GRIK4: variants seen among roughly 807,000 people sequenced by gnomAD.
GRIK4 encodes the protein glutamate ionotropic receptor kainate type subunit 4.
Under a neutral mutation model 104.9 loss-of-function variants are expected in GRIK4, and 40 were observed. That is an observed-to-expected ratio of 0.38 (90% confidence interval 0.30 to 0.50). The LOEUF (loss-of-function observed/expected upper bound fraction) is 0.50. GRIK4 is among the 20% of genes least tolerant of loss of function. The pLI is 0.93. For synonymous variants in GRIK4, 485 were observed against 524.9 expected, an observed-to-expected ratio of 0.92 and a Z score of 1.04; for missense variants, 1,047 against 1,308.1, an observed-to-expected ratio of 0.80 and a Z score of 3.08.
chr11:120,562,349 G>A (rs979563268), intron 1 of GRIK4, among the ~76,000 whole-genome samples: 8 of 152,180 alleles, frequency 5.3e-5, no homozygotes, highest in African/African-American at 1.7e-4. Flanking sequence ...CAGGGACCCC[G>A]GCCTTGGCCC....
chr11:120,752,066 C>T (rs140280104), intron 3 of GRIK4, among the ~76,000 whole-genome samples: 1 of 152,308 alleles, frequency 6.6e-6, no homozygotes, highest in Non-Finnish European at 1.5e-5. Flanking sequence ...CCACCAAGCC[C>T]TGACCAGCAT....
chr11:120,747,700 A>G (rs1306777500), intron 3 of GRIK4, among the ~76,000 whole-genome samples: 2 of 152,244 alleles, frequency 1.3e-5, no homozygotes, highest in African/African-American at 4.8e-5. Context: ...TTTTGAGCAT[A>G]GCTCAGTAGT....
intron 13 of GRIK4, among the ~76,000 whole-genome samples, chr11:120,932,144 G>A (rs959662210): frequency 5.5e-5 from 8 of 145,260 alleles, no homozygotes; most frequent in Admixed American, 4.2e-4. Context: ...CACAGCACAC[G>A]TGCAATTTTA....
chr11:120,861,201 T>A (rs1397786396), intron 8 of GRIK4, among the ~76,000 whole-genome samples: 1 of 144,400 alleles, frequency 6.9e-6, no homozygotes, highest in Non-Finnish European at 1.5e-5. Context: ...CTCCGCCTCC[T>A]GGGTTCAAGC....
rs527642433 is a variant in GRIK4, at chr11:120,695,342, C to T, written c.82+34942C>T. ...GCTCTCCCACCCAGGCCCTGGCCCT[C>T]CCTCTGGCCCAGGTGGCTGCCATGT... On this transcript the variant is annotated intron_variant, in intron 3 of 20. Coordinates refer to ENST00000527524, the MANE Select transcript of GRIK4 (RefSeq NM_014619.5). Among the ~76,000 whole-genome samples the T allele has an allele frequency of 1.9e-4, 29 of 152,358 alleles. No homozygotes were observed. In the South Asian group the frequency reaches 6.0e-3, roughly 32 times the overall value.
chr11:120,861,093 C>CTTTTTTTTTTTTT (rs547199127), intron 8 of GRIK4, among the ~76,000 whole-genome samples: 1 of 86,570 alleles, frequency 1.2e-5, no homozygotes, highest in Non-Finnish European at 2.3e-5. Flanking sequence ...AAATCATCCT[C>CTTTTTTTTTTTTT]TTTTTTTTTT....
chr11:120,642,744 G>A lies in GRIK4; in HGVS notation c.-158-10941G>A, dbSNP rs371254090. Among the ~76,000 whole-genome samples, 5 of 152,278 alleles carry A rather than the reference G, an allele frequency of 3.3e-5. No individual in the cohort carries two copies. In the South Asian group the frequency reaches 8.3e-4, roughly 25 times the overall value. ...AGCAGCGGCCTTGGGTTCTCCTTGC[G>A]TCCAGGATGAGAACTCCTTGAAATT... On this transcript the variant is annotated intron_variant, in intron 1 of 20. Coordinates refer to ENST00000527524, the MANE Select transcript of GRIK4 (RefSeq NM_014619.5).
chr11:120,643,584 C>T (rs1949499409), intron 1 of GRIK4, among the ~76,000 whole-genome samples: 1 of 152,226 alleles, frequency 6.6e-6, no homozygotes, highest in Admixed American at 6.5e-5. Context: ...TAAATCTAGT[C>T]TGGTCCTGTG....
At chr11:120,813,851 A>G (rs1952878549) in intron 4 of GRIK4, among the ~76,000 whole-genome samples, 1 of 152,226 alleles carries the variant, frequency 6.6e-6, no homozygotes, top group Non-Finnish European at 1.5e-5. Flanking sequence ...TATGGAGTTA[A>G]GCCTTGAGTT....
intron 14 of GRIK4, among the ~76,000 whole-genome samples, chr11:120,947,294 C>G (rs1036309365): frequency 6.6e-6 from 1 of 151,636 alleles, no homozygotes; most frequent in African/African-American, 2.4e-5. Context: ...CCCAACTACT[C>G]AGGAGGCTGA....
At chr11:120,622,200 CTTA>C (rs72158229) in intron 1 of GRIK4, among the ~76,000 whole-genome samples, 5,534 of 152,216 alleles carry the variant, frequency 0.036, 284 homozygotes, top group African/African-American at 0.12. Context: ...CGCCCCCGGC[CTTA>C]TTATTATTTT....
At chr11:120,914,058 C>G (rs555609059) in intron 13 of GRIK4, among the ~76,000 whole-genome samples, 4 of 152,206 alleles carry the variant, frequency 2.6e-5, no homozygotes, top group Non-Finnish European at 1.5e-5. Context: ...TTTACCTTCC[C>G]CATTAAGGCT....
At chr11:120,564,109 G>C (rs1565551206) in intron 1 of GRIK4, among the ~76,000 whole-genome samples, 1 of 152,210 alleles carries the variant, frequency 6.6e-6, no homozygotes, top group African/African-American at 2.4e-5. Flanking sequence ...GCCTGAGGAA[G>C]GGCCCGGGCG....
intron 7 of GRIK4, among the ~76,000 whole-genome samples, chr11:120,832,907 C>T (rs1213134705): frequency 6.6e-6 from 1 of 152,212 alleles, no homozygotes; most frequent in East Asian, 1.9e-4. Flanking sequence ...GGCCCCGTTT[C>T]CAGGCTCCTT....
At chr11:120,765,790 C>T (rs1313049647) in intron 3 of GRIK4, among the ~76,000 whole-genome samples, 1 of 152,232 alleles carries the variant, frequency 6.6e-6, no homozygotes, top group Non-Finnish European at 1.5e-5. Context: ...GGCTGCAGAA[C>T]AGCAAAGATT....
At chr11:120,796,956 C>A (rs999461186) in intron 3 of GRIK4, among the ~76,000 whole-genome samples, 1 of 151,510 alleles carries the variant, frequency 6.6e-6, no homozygotes, top group Non-Finnish European at 1.5e-5. Flanking sequence ...GTTTGGGGGG[C>A]GGAGAAGGGC....
intron 19 of GRIK4, among the ~76,000 whole-genome samples, chr11:120,971,054 A>T (rs1235186196): frequency 6.6e-6 from 1 of 152,220 alleles, no homozygotes; most frequent in Non-Finnish European, 1.5e-5. Flanking sequence ...CATTCAGCAA[A>T]GTGCCTGGCA....
chr11:120,750,035 A>G (rs1185543147), intron 3 of GRIK4, among the ~76,000 whole-genome samples: 1 of 152,146 alleles, frequency 6.6e-6, no homozygotes, highest in Non-Finnish European at 1.5e-5. Flanking sequence ...AAGGAGCCTC[A>G]GAGGTCCTGG....
chr11:120,554,715 T>C (rs1399672858), intron 1 of GRIK4, among the ~76,000 whole-genome samples: 1 of 152,114 alleles, frequency 6.6e-6, no homozygotes, highest in Non-Finnish European at 1.5e-5. Context: ...CCCGCCACCA[T>C]GCCTGGCTGA....
Sources: gnomAD v4.1 joint callset for allele counts (sites outside exome capture counted in the v4.1 genomes callset) on GRCh38, gnomAD v4.1.1 for gene constraint, MANE v1.5 for transcripts, NCBI Gene and HGNC (gene_info 2026-07-23, HGNC 2026-07-21) for gene names.